The following SLC30A9 variants were observed in gnomAD, a reference collection of about 807,000 sequenced individuals.
SLC30A9 encodes the protein proton-coupled zinc antiporter SLC30A9, mitochondrial.
Under a neutral mutation model 87.5 loss-of-function variants are expected in SLC30A9, and 58 were observed. That is an observed-to-expected ratio of 0.66 (90% CI 0.54 to 0.82). The LOEUF (loss-of-function observed/expected upper bound fraction) is 0.82. SLC30A9 is among the 40% of genes least tolerant of loss of function. The pLI is 0.00. For synonymous variants in SLC30A9, 234 were observed against 233.0 expected, an observed-to-expected ratio of 1.00 and a Z score of -0.04; for missense variants, 557 against 679.1, an observed-to-expected ratio of 0.82 and a Z score of 2.00.
chr4:42,058,016 C>T (rs192125770), intron 9 of SLC30A9, among the ~76,000 whole-genome samples: 7 of 149,446 alleles, frequency 4.7e-5, no homozygotes, highest in Admixed American at 2.0e-4. Context: ...GCAGGATAAT[C>T]GCTTGAACCT....
At chr4:42,077,606 C>T (rs1253827013) in intron 16 of SLC30A9, among the ~76,000 whole-genome samples, 2 of 151,882 alleles carry the variant, frequency 1.3e-5, no homozygotes, top group East Asian at 3.9e-4. Flanking sequence ...GTTTCACCAT[C>T]TTGGCCAGGC....
At chr4:41,993,993 C>G (rs1418083279) in intron 1 of SLC30A9, among the ~76,000 whole-genome samples, 2 of 151,924 alleles carry the variant, frequency 1.3e-5, no homozygotes, top group Non-Finnish European at 2.9e-5. Flanking sequence ...CCCATCTCTA[C>G]CAAAAATACA....
rs1717876472 is a variant in SLC30A9, at chr4:42,062,026, C to T, written c.897-960C>T. Among the ~76,000 whole-genome samples the T allele has an allele frequency of 2.0e-5, 3 of 151,808 alleles. No individual in the cohort carries two copies. The South Asian group carries it at 6.2e-4, about 32-fold the overall frequency. On this transcript the variant is annotated intron_variant, in intron 10 of 17. Transcript: ENST00000264451. Reference sequence around the variant, plus strand: ...CCTGACCAACGTGGAGAAGCCCCGTCTCTACTAAAAATACAAAATTAGCTG... The same window carrying T: ...CCTGACCAACGTGGAGAAGCCCCGTTTCTACTAAAAATACAAAATTAGCTG...
intron 9 of SLC30A9, among the ~76,000 whole-genome samples, chr4:42,059,567 T>C (rs989144716): frequency 6.7e-6 from 1 of 149,700 alleles, no homozygotes; most frequent in Non-Finnish European, 1.5e-5. Context: ...AATAGAAATG[T>C]GTGTGCCCAT....
rs1007664731 is a variant in SLC30A9, at chr4:42,059,241, A to G, written c.841-950A>G. 2.6e-5 allele frequency among the ~76,000 whole-genome samples: 4 copies of G among 152,306 alleles called. No homozygotes were observed. The South Asian group carries it at 8.3e-4, about 32-fold the overall frequency. On this transcript the variant is annotated intron_variant, in intron 9 of 17. Transcript: ENST00000264451. ...AAAAGGAAAAGCCTCAGATTAATCA[A>G]CTAAAATTACATAGGGAATTCACTC...
At chr4:42,010,968 T>G (rs965374564) in intron 2 of SLC30A9, among the ~76,000 whole-genome samples, 6 of 152,228 alleles carry the variant, frequency 3.9e-5, no homozygotes, top group African/African-American at 1.4e-4. Context: ...CTATTTGAAC[T>G]TATCCACCCA....
chr4:42,014,555 CAA>C (rs36063492), intron 2 of SLC30A9, among the ~76,000 whole-genome samples: 16 of 129,196 alleles, frequency 1.2e-4, no homozygotes, highest in African/African-American at 2.0e-4. Flanking sequence ...GACTCCGTCG[CAA>C]AAAAAAAAAA....
At chr4:42,065,103 ACTGTAT>A (rs1560557143) in intron 11 of SLC30A9, among the ~76,000 whole-genome samples, 1 of 152,030 alleles carries the variant, frequency 6.6e-6, no homozygotes. Context: ...TGTGGATCTT[ACTGTAT>A]CTGGTGTCTA....
At chr4:42,024,237 G>T (rs967364750) in intron 6 of SLC30A9, among the ~76,000 whole-genome samples, 1 of 152,160 alleles carries the variant, frequency 6.6e-6, no homozygotes, top group African/African-American at 2.4e-5. Flanking sequence ...TATAGTCCCA[G>T]CTACTTGCCT....
rs1166082910 is a variant in SLC30A9 at position 42,088,542 on chromosome 4, G to A, written c.*2416G>A. 6.6e-6 allele frequency: 1 copy of A among 152,336 alleles called. No homozygotes were observed. Among genetic ancestry groups the A allele is most frequent in the African/African-American group, 2.4e-5 (1 of 41,452 alleles). 9.4% of individuals were successfully genotyped at this position (152,336 alleles called of 1,614,324 possible). A position where few individuals can be genotyped will look rare whatever the true frequency, so the allele number is the denominator to read the frequency against. On this transcript the variant is annotated 3_prime_UTR_variant, in exon 18 of 18. Transcript: ENST00000264451. ...CATAGCAGCTTCTGCTTCTGGGGAG[G>A]CCTCGGGAAACTTCATTCATGGCAG... is the stretch of plus-strand genomic sequence containing the variant.
intron 6 of SLC30A9, among the ~76,000 whole-genome samples, chr4:42,031,808 G>A (rs983877792): frequency 5.9e-5 from 9 of 152,106 alleles, no homozygotes; most frequent in Non-Finnish European, 1.2e-4. Flanking sequence ...ATGGAAATTT[G>A]TAGTTATTTC....
intron 2 of SLC30A9, among the ~76,000 whole-genome samples, chr4:42,010,108 C>T (rs1348032788): frequency 1.3e-5 from 2 of 152,214 alleles, no homozygotes; most frequent in Non-Finnish European, 2.9e-5. Flanking sequence ...AGTATGACAT[C>T]ATAACCTACT....
At chr4:42,032,350 C>T (rs1274245638) in intron 6 of SLC30A9, among the ~76,000 whole-genome samples, 1 of 152,112 alleles carries the variant, frequency 6.6e-6, no homozygotes, top group African/African-American at 2.4e-5. Flanking sequence ...GTTAGGATTC[C>T]ACCCCATTTT....
chr4:42,046,760 G>A (rs1320482313), intron 8 of SLC30A9, among the ~76,000 whole-genome samples: 1 of 152,106 alleles, frequency 6.6e-6, no homozygotes, highest in East Asian at 1.9e-4. Flanking sequence ...AACCAAAAAA[G>A]AGCCTGTATA....
intron 7 of SLC30A9, among the ~76,000 whole-genome samples, chr4:42,037,261 T>A (rs1183111123): frequency 3.3e-5 from 4 of 121,750 alleles, no homozygotes; most frequent in African/African-American, 7.1e-5. Flanking sequence ...TTTTTTTTTT[T>A]TTTTTTTTTT....
chr4:42,001,755 G>A lies in SLC30A9; in HGVS notation c.249G>A (p.Val83=). The A allele has an allele frequency of 6.2e-7, 1 of 1,607,926 alleles. No individual in the cohort carries two copies. Among genetic ancestry groups the A allele is most frequent in the Non-Finnish European group, 8.5e-7 (1 of 1,177,452 alleles). Residue 83 remains valine (V), a synonymous_variant, in exon 2 of 18, where the codon GTG becomes GTA. Transcript: ENST00000264451. The part of the protein sequence containing the change: ...KEGQGSQTLR[V]EKVPSFETAE... ...GACAGGGATCACAAACACTCAGAGT[G>A]GAAAAAGTACCATCATTTGAAACAG... is the stretch of plus-strand genomic sequence containing the variant.
At chr4:42,015,641 C>G (rs549139589) in intron 2 of SLC30A9, among the ~76,000 whole-genome samples, 2 of 152,206 alleles carry the variant, frequency 1.3e-5, no homozygotes, top group South Asian at 4.2e-4. Flanking sequence ...ATATTTTCTT[C>G]GTGGTTATTG....
chr4:42,084,283 A>G (rs1718841303), intron 17 of SLC30A9, among the ~76,000 whole-genome samples: 1 of 152,090 alleles, frequency 6.6e-6, no homozygotes, highest in Non-Finnish European at 1.5e-5. Context: ...TTATTGCCAT[A>G]TTTCTGCATA....
chr4:42,029,561 C>A, intron 6 of SLC30A9: 2 of 693,096 alleles, frequency 2.9e-6, no homozygotes, highest in Non-Finnish European at 2.7e-6. Flanking sequence ...AAAGATTCAG[C>A]CCAGAAGGAT....
Sources: gnomAD v4.1 joint callset for allele counts (sites outside exome capture counted in the v4.1 genomes callset) on GRCh38, gnomAD v4.1.1 for gene constraint, MANE v1.5 for transcripts, NCBI Gene and HGNC (gene_info 2026-07-23, HGNC 2026-07-21) for gene names.